The following PODXL2 variants were observed in gnomAD, a reference collection of about 807,000 sequenced individuals.
PODXL2 encodes podocalyxin like 2.
Under a neutral mutation model 53.4 loss-of-function variants are expected in PODXL2, and 17 were observed. The observed-to-expected ratio is 0.32, with a 90% CI of 0.22 to 0.48. The LOEUF is 0.48. PODXL2 is among the 20% of genes least tolerant of loss of function. The probability of loss-of-function intolerance (pLI) is 0.99; values close to 1 mark genes in which losing one functional copy is unlikely to be tolerated. For synonymous variants in PODXL2, 311 were observed against 306.7 expected (o/e 1.01, Z -0.15); for missense variants, 673 against 760.0 (o/e 0.89, Z 1.35).
At chr3:127,661,340 T>TC (rs1376285169) in intron 3 of PODXL2, among the ~76,000 whole-genome samples, 181 bp downstream of exon 3, 3 of 152,038 alleles carry the variant, frequency 2.0e-5, no homozygotes, top group Non-Finnish European at 4.4e-5. Flanking sequence ...ATGGGTGTTC[T>TC]CCCCACACTT....
In PODXL2 at chr3:127,655,826, A is replaced by G. The variant is rs1473508851; in HGVS notation, c.350-4552A>G. Among the ~76,000 whole-genome samples the G allele has an allele frequency of 2.6e-5, 4 of 152,258 alleles. No homozygotes were observed. In the East Asian group the frequency reaches 7.7e-4, roughly 29 times the overall value. Reference sequence around the variant, plus strand: ...ATGTAAATTTGGGAGCCTTTAGCATAGAGAAAATAGATGCAGCCTGTGGAA... The same window carrying G: ...ATGTAAATTTGGGAGCCTTTAGCATGGAGAAAATAGATGCAGCCTGTGGAA... On this transcript the variant is annotated intron_variant, in intron 2 of 7. Coordinates refer to ENST00000342480, the MANE Select transcript of PODXL2 (RefSeq NM_015720.4).
Position 127,629,423 on chromosome 3 carries a change from G to T in PODXL2, c.70+134G>T, listed in dbSNP as rs2074527062. 1.4e-6 allele frequency: 1 copy of T among 712,048 alleles called. No individual in the cohort carries two copies. Among genetic ancestry groups the T allele is most frequent in the South Asian group, 6.2e-5 (1 of 16,122 alleles). The allele number at this position is 712,048 out of a possible 1,614,324, so 44.1% of individuals were successfully genotyped here. ...AGCGCGCGTGTCCCGGCCGGGCCGCGGCGCCGCCCCGACACACGCGCACGA... is the reference window on the plus strand; with the variant it reads ...AGCGCGCGTGTCCCGGCCGGGCCGCTGCGCCGCCCCGACACACGCGCACGA... On this transcript the variant is annotated intron_variant, in intron 1 of 7. Coordinates refer to ENST00000342480, the MANE Select transcript of PODXL2 (RefSeq NM_015720.4). This position sits in a 1 kb window ranked among gnomAD's most constrained non-coding sequence, Gnocchi z 6.4.
intron 2 of PODXL2, among the ~76,000 whole-genome samples, chr3:127,653,803 G>A (rs1223188401): frequency 2.0e-5 from 3 of 152,192 alleles, no homozygotes; most frequent in African/African-American, 4.8e-5. Flanking sequence ...CTTTGCCGCA[G>A]TTGCTGTATC....
At chr3:127,637,278 C>T (rs1377240801) in intron 1 of PODXL2, among the ~76,000 whole-genome samples, 4 of 152,144 alleles carry the variant, frequency 2.6e-5, no homozygotes, top group Non-Finnish European at 5.9e-5. Context: ...TTAGCCCCGG[C>T]GTTGGCTTTG....
At position 127,668,644 on chromosome 3, in the gene PODXL2, C is replaced by T. The variant is rs200345175; in HGVS notation, c.1363+47C>T. ...GAGGGCCCAGGAGGGCAGTGGGAGG[C>T]GGGCGGCCCCTGAGGGTCACGGGAA... is the stretch of plus-strand genomic sequence containing the variant. On this transcript the variant is annotated intron_variant, in intron 5 of 7. Transcript: ENST00000342480. The T allele has an allele frequency of 2.4e-3, 3,412 of 1,440,190 alleles. 6 individuals carry two copies. Among genetic ancestry groups the T allele is most frequent in the Non-Finnish European group, 2.9e-3 (3,197 of 1,091,722 alleles). 89.2% of individuals were successfully genotyped at this position (1,440,190 alleles called of 1,614,324 possible).
chr3:127,657,993 G>A (rs2074736569), intron 2 of PODXL2, among the ~76,000 whole-genome samples: 1 of 152,118 alleles, frequency 6.6e-6, no homozygotes, highest in Non-Finnish European at 1.5e-5. Flanking sequence ...GTTGCTTTAT[G>A]GTCCCACCCT....
chr3:127,635,468 A>G (rs917257697), intron 1 of PODXL2, among the ~76,000 whole-genome samples: 6 of 152,250 alleles, frequency 3.9e-5, no homozygotes, highest in African/African-American at 1.4e-4. Flanking sequence ...GGATGGATGA[A>G]TGAATGGAAT....
intron 4 of PODXL2, among the ~76,000 whole-genome samples, chr3:127,663,860 C>G (rs532104329): frequency 6.6e-6 from 1 of 152,086 alleles, no homozygotes; most frequent in African/African-American, 2.4e-5. Flanking sequence ...GCCTAAAGTT[C>G]GTATCTTTTT....
At chr3:127,666,658 C>T (rs917955674) in intron 4 of PODXL2, among the ~76,000 whole-genome samples, 23 of 152,204 alleles carry the variant, frequency 1.5e-4, no homozygotes, top group Non-Finnish European at 2.9e-5. Flanking sequence ...GATCCACCTC[C>T]CTTGGCCTCC....
chr3:127,660,538 G>C lies in PODXL2; in HGVS notation c.510G>C (p.Glu170Asp), dbSNP rs777536027. 6 of 1,613,814 alleles carry C rather than the reference G, an allele frequency of 3.7e-6. No individual in the cohort carries two copies. In the South Asian group the frequency reaches 6.6e-5, roughly 18 times the overall value. The change falls in exon 3 of 8, where the codon GAG (glutamate) becomes GAC (aspartate). Residue 170 changes from glutamate to aspartate, a missense_variant. By Grantham distance (45) the Glu-to-Asp change is conservative (BLOSUM62 2). This residue lies in a region of PODXL2 where 588 missense variants were observed against 668.3 expected (regional missense o/e 0.88). Transcript: ENST00000342480. The part of the protein sequence containing the change: ...PREEEEEEEE[E>D]EEREKEEVEK... ...AGGAGGAAGAAGAGGAAGAGGAAGA[G>C]GAGGAGAGGGAGAAGGAAGAGGTAG...
Position 127,669,144 on chromosome 3 carries a change from T to A in PODXL2, c.1367T>A (p.Val456Glu). The A allele has an allele frequency of 6.2e-7, 1 of 1,603,534 alleles. No homozygotes were observed. Among genetic ancestry groups the A allele is most frequent in the Non-Finnish European group, 8.5e-7 (1 of 1,175,192 alleles). ...AGTGGTGTTTCTTACCCCCCAGGGG[T>A]GGTGCCCACTCAAGATGTCCTTTCC... The part of the protein sequence containing the change: ...LLMTLVGEQG[V>E]VPTQDVLSML... The change falls in exon 6 of 8, where the codon GTG becomes GAG. Residue 456 changes from valine (V) to glutamate (E), a missense_variant. Val to Glu is a moderately radical substitution (Grantham distance 121). Coordinates refer to ENST00000342480, the MANE Select transcript of PODXL2 (RefSeq NM_015720.4).
chr3:127,660,998 G>T lies in PODXL2; in HGVS notation c.970G>T (p.Asp324Tyr), dbSNP rs995114880. The T allele has an allele frequency of 1.2e-6, 2 of 1,614,230 alleles. No individual in the cohort carries two copies. The highest frequency in any genetic ancestry group is 1.7e-6 in the Non-Finnish European group (2 of 1,180,046). Residue 324 changes from aspartate to tyrosine, a missense_variant, in exon 3 of 8, where the codon GAT (aspartate) becomes TAT (tyrosine). Around this residue, in one of 3 missense-constraint regions of PODXL2, gnomAD observed 588 missense variants for 668.3 expected, o/e 0.88. Transcript: ENST00000342480. ...CAGTGGGGCCGAGCACCCAGATGAA[G>T]ATCCCCTTGGCTCTAGAACCTCAGC... is the stretch of plus-strand genomic sequence containing the variant. ...APSGAEHPDE[D>Y]PLGSRTSASS...
At chr3:127,637,227 G>A (rs1045491122) in intron 1 of PODXL2, among the ~76,000 whole-genome samples, 4 of 152,180 alleles carry the variant, frequency 2.6e-5, no homozygotes, top group Admixed American at 6.5e-5. Flanking sequence ...TGGCACAGAC[G>A]TTTACTAGCC....
At chr3:127,670,364 C>A (rs367834543) in intron 6 of PODXL2, among the ~76,000 whole-genome samples, 157 of 152,326 alleles carry the variant, frequency 1.0e-3, no homozygotes, top group African/African-American at 3.6e-3. Flanking sequence ...GCCACTGAGG[C>A]CCTTCCCAGT....
chr3:127,672,032 C>T (rs1404033975), intron 7 of PODXL2, among the ~76,000 whole-genome samples: 2 of 152,246 alleles, frequency 1.3e-5, no homozygotes, highest in East Asian at 1.9e-4. Context: ...GTGGAGTCTT[C>T]TTAGGGGGCT....
intron 2 of PODXL2, among the ~76,000 whole-genome samples, chr3:127,654,156 T>G (rs1363646386): frequency 6.6e-6 from 1 of 152,244 alleles, no homozygotes; most frequent in East Asian, 1.9e-4. Context: ...GTCTCTTTTT[T>G]ATTCTGGAAA....
intron 1 of PODXL2, among the ~76,000 whole-genome samples, chr3:127,634,068 G>A (rs1262969261): frequency 5.9e-5 from 9 of 152,038 alleles, no homozygotes; most frequent in Admixed American, 2.0e-4. Flanking sequence ...GTTTATGAGA[G>A]CCTTCTCGCC....
At chr3:127,645,861 G>A (rs1180046186) in intron 2 of PODXL2, among the ~76,000 whole-genome samples, 2 of 152,216 alleles carry the variant, frequency 1.3e-5, no homozygotes, top group African/African-American at 4.8e-5. Context: ...TCTGTCTAGG[G>A]GTTCTTGGGG....
At position 127,669,750 on chromosome 3, in the gene PODXL2, G is replaced by A. The variant is rs536568775; in HGVS notation, c.1425+548G>A. 2.5e-3 allele frequency among the ~76,000 whole-genome samples: 384 copies of A among 152,316 alleles called. 2 individuals are homozygous for A. The highest frequency in any genetic ancestry group is 4.0e-3 in the Non-Finnish European group (269 of 68,024). On this transcript the variant is annotated intron_variant, in intron 6 of 7. Coordinates refer to ENST00000342480, the MANE Select transcript of PODXL2 (RefSeq NM_015720.4). Reference sequence around the variant, plus strand: ...AGGCAGCCCTGCCATCTTAGGAGGTGCCCCCACCCAGTGCAGTCTGCTGGC... The same window carrying A: ...AGGCAGCCCTGCCATCTTAGGAGGTACCCCCACCCAGTGCAGTCTGCTGGC...
Sources: allele counts gnomAD v4.1 joint callset (sites outside exome capture counted in the v4.1 genomes callset), GRCh38; gene constraint gnomAD v4.1.1; regional missense constraint gnomAD v4.1.1; non-coding constraint Gnocchi (gnomAD v3.1); transcripts MANE v1.5; gene names NCBI Gene and HGNC (gene_info 2026-07-23, HGNC 2026-07-21).